GNAS: variants seen among roughly 807,000 people sequenced by gnomAD.
GNAS encodes protein ALEX.
In GNAS, 8 loss-of-function variants were observed where a neutral mutation model predicts 54.5. The observed-to-expected ratio is 0.15, with a 90% CI of 0.09 to 0.26. The LOEUF (loss-of-function observed/expected upper bound fraction) is 0.26, where lower values mean the gene tolerates loss of function less well. GNAS is among the 10% of genes least tolerant of loss of function. The pLI, the probability that GNAS is intolerant of heterozygous loss-of-function variation, is 1.00. For synonymous variants in GNAS, 204 were observed against 191.4 expected, an observed-to-expected ratio of 1.07 and a Z score of -0.54; for missense variants, 170 against 529.8, an observed-to-expected ratio of 0.32 and a Z score of 6.67.
intron 3 of GNAS, chr20:58,900,357 CAA>C (rs2146107556): frequency 4.1e-6 from 1 of 241,294 alleles, no homozygotes; most frequent in African/African-American, 2.2e-5. Flanking sequence ...TTCTGCAAGT[CAA>C]TATAAGTATT....
chr20:58,901,000 A>C (rs1238512375), intron 3 of GNAS, among the ~76,000 whole-genome samples: 1 of 152,238 alleles, frequency 6.6e-6, no homozygotes, highest in African/African-American at 2.4e-5. Flanking sequence ...ACTACTGCTT[A>C]GACCAAAATA....
At chr20:58,852,963 AAGAG>A in intron 1 of GNAS, 6 of 1,119,514 alleles carry the variant, frequency 5.4e-6, no homozygotes, top group East Asian at 8.5e-5. Flanking sequence ...AGCAAAAAGA[AAGAG>A]AGAGGAGGGC....
At chr20:58,868,022 C>CTTTTTTTTTTTT (rs370255144) in intron 1 of GNAS, among the ~76,000 whole-genome samples, 1 of 132,616 alleles carries the variant, frequency 7.5e-6, no homozygotes. Context: ...TTCTTTCTTT[C>CTTTTTTTTTTTT]TTTTTTTTTT....
chr20:58,887,516 C>T (rs1019022438), upstream of GNAS, among the ~76,000 whole-genome samples: 1 of 152,222 alleles, frequency 6.6e-6, no homozygotes, highest in Non-Finnish European at 1.5e-5. Context: ...GGCCTTACTG[C>T]TGAGTTCTCC....
At chr20:58,862,975 AAAAG>A (rs1447850203) in intron 1 of GNAS, among the ~76,000 whole-genome samples, 2 of 152,118 alleles carry the variant, frequency 1.3e-5, no homozygotes, top group Middle Eastern at 3.4e-3. Context: ...AAAAAAAAAA[AAAAG>A]AAAGAAAGAA....
chr20:58,896,113 G>C (rs539272767), intron 2 of GNAS, among the ~76,000 whole-genome samples: 2 of 152,236 alleles, frequency 1.3e-5, no homozygotes, highest in East Asian at 3.9e-4. Flanking sequence ...ACCTCACGCA[G>C]ATTTCAATGT....
chr20:58,868,336 T>C (rs1265953302), intron 1 of GNAS, among the ~76,000 whole-genome samples: 2 of 151,636 alleles, frequency 1.3e-5, no homozygotes, highest in Non-Finnish European at 2.9e-5. Context: ...GTCTTTTTAG[T>C]AGAGATGGGG....
intron 1 of GNAS, among the ~76,000 whole-genome samples, chr20:58,845,875 T>A (rs1466018684): frequency 1.3e-5 from 2 of 152,234 alleles, no homozygotes; most frequent in Non-Finnish European, 2.9e-5. Context: ...GGACTCTGCC[T>A]GCAACTATTC....
intron 1 of GNAS, among the ~76,000 whole-genome samples, chr20:58,879,694 C>T (rs2088094956): frequency 6.6e-6 from 1 of 152,116 alleles, no homozygotes; most frequent in African/African-American, 2.4e-5. Flanking sequence ...CATCTGAAAT[C>T]GGCTGCAGAG....
At position 58,853,176 on chromosome 20, in the gene GNAS, A is replaced by AAAT; in HGVS notation, c.43+12303_43+12305dup. 5 of 1,444,528 alleles carry AAAT rather than the reference A, an allele frequency of 3.5e-6. No homozygotes were observed. The highest frequency in any genetic ancestry group is 3.6e-6 in the Non-Finnish European group (4 of 1,099,056). 89.5% of individuals were successfully genotyped at this position (1,444,528 alleles called of 1,614,324 possible). The stretch of plus-strand genomic sequence containing the variant: ...CTTTCCAGCTGGTACTTTGATTTTA[A>AAAT]AATAATAATAATAATTTTTTCACCC... On this transcript the variant is annotated intron_variant, in intron 1 of 12. Coordinates refer to the GNAS transcript ENST00000306090. The surrounding 1 kb of genome is among the most constrained non-coding windows in gnomAD (Gnocchi z 4.4).
chr20:58,874,138 G>A (rs1162479383), intron 1 of GNAS, among the ~76,000 whole-genome samples: 1 of 152,184 alleles, frequency 6.6e-6, no homozygotes, highest in Non-Finnish European at 1.5e-5. Context: ...AGACCTCCCT[G>A]TTGATAGGGT....
chr20:58,897,367 G>A (rs906503739), intron 2 of GNAS: 1 of 152,192 alleles, frequency 6.6e-6, no homozygotes, highest in Non-Finnish European at 1.5e-5. Context: ...CCTGCAACTT[G>A]CAGGAGTACT....
At chr20:58,878,315 T>G (rs1297244412) in intron 1 of GNAS, among the ~76,000 whole-genome samples, 1 of 152,234 alleles carries the variant, frequency 6.6e-6, no homozygotes, top group Non-Finnish European at 1.5e-5. Flanking sequence ...CAATTTGTGA[T>G]TTTCTGTTCT....
chr20:58,840,623 G>C (rs1162355754), upstream of GNAS: 2 of 1,607,588 alleles, frequency 1.2e-6, no homozygotes, highest in East Asian at 4.5e-5. This position sits in a 1 kb window ranked among gnomAD's most constrained non-coding sequence, Gnocchi z 6.0. Flanking sequence ...AAGCCCCGAC[G>C]CCTCCCCAAG....
At chr20:58,865,186 G>A (rs2086985864) in intron 1 of GNAS, among the ~76,000 whole-genome samples, 1 of 152,050 alleles carries the variant, frequency 6.6e-6, no homozygotes, top group African/African-American at 2.4e-5. Flanking sequence ...GGGAGGCCAA[G>A]GTGGGCAGAT....
intron 1 of GNAS, 105 bp from the exon 2 acceptor site, chr20:58,895,507 T>C (rs2089961358): frequency 4.0e-6 from 3 of 755,430 alleles, no homozygotes; most frequent in Non-Finnish European, 7.2e-6. Context: ...TGTTTGGTTT[T>C]TTGCATGTTG....
intron 1 of GNAS, among the ~76,000 whole-genome samples, chr20:58,872,859 G>C (rs910578111): frequency 6.6e-6 from 1 of 152,110 alleles, no homozygotes; most frequent in Non-Finnish European, 1.5e-5. Context: ...TATGTCCTGG[G>C]CTTCATTCAT....
At chr20:58,889,854 C>A (rs150449192), upstream of GNAS, among the ~76,000 whole-genome samples, 1,788 of 151,576 alleles carry the variant, frequency 0.012, 37 homozygotes, top group African/African-American at 0.041. Context: ...AGGCGCGAGC[C>A]GAGCTCCCCG....
intron 1 of GNAS, among the ~76,000 whole-genome samples, chr20:58,893,671 A>G (rs1432365366): frequency 6.6e-6 from 1 of 152,212 alleles, no homozygotes; most frequent in African/African-American, 2.4e-5. Flanking sequence ...TAAATGGTAC[A>G]TGTGTTGCTG....
Sources: gnomAD v4.1 joint callset for allele counts (sites outside exome capture counted in the v4.1 genomes callset) on GRCh38, gnomAD v4.1.1 for gene constraint, Gnocchi (gnomAD v3.1) non-coding constraint, MANE v1.5 for transcripts, NCBI Gene and HGNC (gene_info 2026-07-23, HGNC 2026-07-21) for gene names.